NKAIN2: variants seen among roughly 807,000 people sequenced by gnomAD.
NKAIN2 encodes sodium/potassium transporting ATPase interacting 2, also known as sodium/potassium-transporting ATPase subunit beta-1-interacting protein 2.
Under a neutral mutation model 32.6 loss-of-function variants are expected in NKAIN2, and 14 were observed. That is an observed-to-expected ratio of 0.43 (90% CI 0.28 to 0.67). The LOEUF is 0.67. Ranked by LOEUF, NKAIN2 falls within the 30% of genes least tolerant of loss-of-function variation. The pLI, the probability that NKAIN2 is intolerant of heterozygous loss-of-function variation, is 0.17. For synonymous variants in NKAIN2, 80 were observed against 87.2 expected (o/e 0.92, Z 0.46); for missense variants, 198 against 258.3 (o/e 0.77, Z 1.60).
intron 2 of NKAIN2, among the ~76,000 whole-genome samples, chr6:124,334,380 T>G (rs1797783177): frequency 6.6e-6 from 1 of 152,164 alleles, no homozygotes; most frequent in Non-Finnish European, 1.5e-5. Flanking sequence ...ATTCATGCAA[T>G]GCTGGCTGAA....
intron 1 of NKAIN2, among the ~76,000 whole-genome samples, chr6:124,228,994 A>G (rs555108722): frequency 2.0e-5 from 3 of 152,330 alleles, no homozygotes; most frequent in East Asian, 1.9e-4. Flanking sequence ...GAGAGATCAT[A>G]TAATACTGTT....
chr6:123,884,605 T>C (rs1773626124), intron 1 of NKAIN2, among the ~76,000 whole-genome samples: 2 of 152,130 alleles, frequency 1.3e-5, no homozygotes, highest in South Asian at 4.2e-4. Flanking sequence ...AATGATAAGG[T>C]AGTGACAAAA....
chr6:124,150,466 G>A (rs971678083), intron 1 of NKAIN2, among the ~76,000 whole-genome samples: 4 of 151,918 alleles, frequency 2.6e-5, no homozygotes, highest in Admixed American at 1.3e-4. Flanking sequence ...CATTTCTATA[G>A]TTTGCCTTAT....
intron 1 of NKAIN2, among the ~76,000 whole-genome samples, chr6:124,005,242 G>A (rs1310042198): frequency 1.3e-5 from 2 of 151,702 alleles, no homozygotes; most frequent in African/African-American, 2.4e-5. Context: ...AAAACAAAAC[G>A]AAACAAAACA....
chr6:124,345,358 A>G (rs547202747), intron 2 of NKAIN2, among the ~76,000 whole-genome samples: 55 of 152,328 alleles, frequency 3.6e-4, no homozygotes, highest in African/African-American at 1.3e-3. Context: ...AAAATGAGTT[A>G]GGGAGGATTC....
chr6:124,784,597 T>G (rs924775759), intron 4 of NKAIN2, among the ~76,000 whole-genome samples: 1 of 152,158 alleles, frequency 6.6e-6, no homozygotes, highest in African/African-American at 2.4e-5. Context: ...TTTCATGGTA[T>G]GGGTATACCA....
chr6:124,227,088 A>G (rs1792154760), intron 1 of NKAIN2, among the ~76,000 whole-genome samples: 1 of 27,730 alleles, frequency 3.6e-5, no homozygotes, highest in South Asian at 2.5e-3. Context: ...TCTTGGAGGC[A>G]AAAAAAAAAA....
chr6:124,266,224 G>A (rs1794487503), intron 1 of NKAIN2, among the ~76,000 whole-genome samples: 1 of 152,042 alleles, frequency 6.6e-6, no homozygotes, highest in South Asian at 2.1e-4. Flanking sequence ...TAAAATTTTT[G>A]GAGTATAATT....
At chr6:124,680,966 CA>C (rs2114503761) in intron 4 of NKAIN2, among the ~76,000 whole-genome samples, 1 of 151,832 alleles carries the variant, frequency 6.6e-6, no homozygotes, top group East Asian at 1.9e-4. Flanking sequence ...CCAAAATATG[CA>C]ACTAGATAGT....
intron 1 of NKAIN2, among the ~76,000 whole-genome samples, chr6:124,257,741 G>A (rs1794016402): frequency 6.6e-6 from 1 of 151,450 alleles, no homozygotes; most frequent in South Asian, 2.1e-4. Context: ...ACTCCTCTAT[G>A]AGCTGGACAT....
chr6:124,203,673 AC>A (rs1405204206), intron 1 of NKAIN2, among the ~76,000 whole-genome samples: 1 of 151,598 alleles, frequency 6.6e-6, no homozygotes, highest in Non-Finnish European at 1.5e-5. Context: ...GTTACAGTGA[AC>A]CTCCAAGTTA....
rs117842320 is a variant in NKAIN2 at position 124,063,205 on chromosome 6, A to C, written c.55-219800A>C. 2.4e-4 allele frequency among the ~76,000 whole-genome samples: 36 copies of C among 151,972 alleles called. 1 individual carries two copies. The highest frequency in any genetic ancestry group is 2.3e-3 in the South Asian group (11 of 4,804). On this transcript the variant is annotated intron_variant, in intron 1 of 6. Coordinates refer to ENST00000368417, the MANE Select transcript of NKAIN2 (RefSeq NM_001040214.3). ...ATCTCAAAAAAAAAATTATATATAT[A>C]TATCTATCTGGTATTATTCTCATTA...
intron 1 of NKAIN2, among the ~76,000 whole-genome samples, chr6:123,938,939 C>T (rs925262926): frequency 2.6e-5 from 4 of 151,864 alleles, no homozygotes; most frequent in African/African-American, 9.7e-5. Context: ...CCAGCCCTAT[C>T]TCTCAGGAAA....
chr6:124,058,565 C>T (rs911710614), intron 1 of NKAIN2, among the ~76,000 whole-genome samples: 1 of 151,948 alleles, frequency 6.6e-6, no homozygotes, highest in African/African-American at 2.4e-5. Flanking sequence ...GATTTCTGGG[C>T]ACATTGCTTG....
At chr6:124,208,065 C>T (rs1377014584) in intron 1 of NKAIN2, among the ~76,000 whole-genome samples, 2 of 151,694 alleles carry the variant, frequency 1.3e-5, no homozygotes, top group African/African-American at 4.8e-5. Flanking sequence ...GTCTTGGTGG[C>T]TGTTCTTGTG....
At chr6:124,738,787 T>G (rs1469477399) in intron 4 of NKAIN2, among the ~76,000 whole-genome samples, 1 of 151,866 alleles carries the variant, frequency 6.6e-6, no homozygotes, top group Non-Finnish European at 1.5e-5. Flanking sequence ...ATTTTCTTCA[T>G]CATAAAATAG....
At chr6:124,166,218 G>A (rs1562396435) in intron 1 of NKAIN2, among the ~76,000 whole-genome samples, 1 of 145,362 alleles carries the variant, frequency 6.9e-6, no homozygotes, top group Non-Finnish European at 1.5e-5. Context: ...TCTAACTGGT[G>A]TGAGATGGTA....
chr6:124,648,150 A>G (rs1365955823), intron 3 of NKAIN2, among the ~76,000 whole-genome samples: 1 of 152,208 alleles, frequency 6.6e-6, no homozygotes, highest in Non-Finnish European at 1.5e-5. Flanking sequence ...CTGAAAAGAA[A>G]GCAGAAGGAT....
At chr6:124,822,134 C>T (rs1781420013) in intron 6 of NKAIN2, among the ~76,000 whole-genome samples, 1 of 152,138 alleles carries the variant, frequency 6.6e-6, no homozygotes, top group Non-Finnish European at 1.5e-5. Context: ...TTACATTACG[C>T]ACTGTTAAAT....
Sources: gnomAD v4.1 joint callset for allele counts (sites outside exome capture counted in the v4.1 genomes callset) on GRCh38, gnomAD v4.1.1 for gene constraint, MANE v1.5 for transcripts, NCBI Gene and HGNC (gene_info 2026-07-23, HGNC 2026-07-21) for gene names.